Variants in IL20RA observed in about 807,000 individuals in gnomAD.
The protein encoded by IL20RA is interleukin 20 receptor subunit alpha.
In IL20RA, 29 loss-of-function variants were observed where a neutral mutation model predicts 36.5. The observed-to-expected ratio is 0.79, with a 90% CI of 0.59 to 1.08. The LOEUF (loss-of-function observed/expected upper bound fraction) is 1.08. Ranked by LOEUF, IL20RA falls within the 50% of genes least tolerant of loss-of-function variation. IL20RA has a pLI of 0.00. For synonymous variants in IL20RA, 279 were observed against 267.1 expected (o/e 1.04, Z -0.43); for missense variants, 652 against 668.4 (o/e 0.98, Z 0.27).
intron 2 of IL20RA, among the ~76,000 whole-genome samples, chr6:137,015,254 C>A (rs1180635691): frequency 6.6e-6 from 1 of 152,162 alleles, no homozygotes; most frequent in Non-Finnish European, 1.5e-5. Context: ...TCACTTAGCT[C>A]TAACAGGTTT....
At chr6:137,043,060 C>A (rs1776760599) in intron 1 of IL20RA, 1 of 152,132 alleles carries the variant, frequency 6.6e-6, no homozygotes, top group Non-Finnish European at 1.5e-5. Context: ...AACATTACTA[C>A]CTGGTAATGT....
At chr6:137,040,886 T>G (rs992372316) in intron 1 of IL20RA, among the ~76,000 whole-genome samples, 2 of 152,134 alleles carry the variant, frequency 1.3e-5, no homozygotes, top group African/African-American at 4.8e-5. Context: ...TAAGCAGGAT[T>G]TTTGCATAAT....
chr6:137,044,221 A>G (rs1776814285), intron 1 of IL20RA: 1 of 988,258 alleles, frequency 1.0e-6, no homozygotes, highest in Non-Finnish European at 1.2e-6. Flanking sequence ...GAGACGCGGC[A>G]TCCACAGGGG....
At position 137,044,896 on chromosome 6, in the gene IL20RA, C is replaced by T. The variant is rs1776849907; in HGVS notation, c.-168G>A. On this transcript the variant is annotated 5_prime_UTR_variant, in exon 1 of 7. Coordinates refer to ENST00000316649, the MANE Select transcript of IL20RA (RefSeq NM_014432.4). Reference sequence around the variant, plus strand: ...CTCCGCCACAGCCGCGTCCCCCAGGCTTCCCCAGAAACCAAGGGCGAGCGA... The same window carrying T: ...CTCCGCCACAGCCGCGTCCCCCAGGTTTCCCCAGAAACCAAGGGCGAGCGA... The T allele has an allele frequency of 7.1e-6, 4 of 559,840 alleles. No individual in the cohort carries two copies. Among genetic ancestry groups the T allele is most frequent in the South Asian group, 9.2e-5 (1 of 10,870 alleles). 34.7% of individuals were successfully genotyped at this position (559,840 alleles called of 1,614,324 possible).
intron 1 of IL20RA, among the ~76,000 whole-genome samples, chr6:137,024,543 T>A (rs1188711176): frequency 6.6e-6 from 1 of 152,260 alleles, no homozygotes; most frequent in Admixed American, 6.5e-5. Context: ...CAGACCATCA[T>A]GACTTTGGTT....
At chr6:137,022,165 G>A (rs1173005324) in intron 1 of IL20RA, among the ~76,000 whole-genome samples, 2 of 152,186 alleles carry the variant, frequency 1.3e-5, no homozygotes, top group Non-Finnish European at 1.5e-5. Context: ...ATTTAAAAAT[G>A]TTAGATACTA....
intron 6 of IL20RA, among the ~76,000 whole-genome samples, chr6:137,003,741 C>T (rs1313929346): frequency 2.0e-5 from 3 of 152,190 alleles, no homozygotes; most frequent in African/African-American, 7.2e-5. Context: ...CAGCTCTCCC[C>T]TTACTTGGAC....
In IL20RA at chr6:137,011,410, A is replaced by T; in HGVS notation, c.267T>A (p.Asn89Lys). 6.2e-7 allele frequency: 1 copy of T among 1,613,524 alleles called. No homozygotes were observed. The highest frequency in any genetic ancestry group is 1.1e-5 in the South Asian group (1 of 90,990). Reference sequence around the variant, plus strand: ...AAAGATCACAGTAGGTTCTATTGATATTTCTGCATTCTGATTTATTCAGCC... The same window carrying T: ...AAAGATCACAGTAGGTTCTATTGATTTTTCTGCATTCTGATTTATTCAGCC... ...KKWLNKSECR[N>K]INRTYCDLSA... The change falls in exon 3 of 7, where the codon AAT becomes AAA. Residue 89 changes from asparagine (N) to lysine (K), a missense_variant. Asn to Lys is a moderately conservative substitution (Grantham distance 94). Transcript: ENST00000316649.
At chr6:137,008,865 CTTTTTTTT>C in intron 4 of IL20RA, 122 bp from the exon 5 acceptor site, 2 of 141,050 alleles carry the variant, frequency 1.4e-5, no homozygotes, top group Non-Finnish European at 2.5e-5. Context: ...TCAGTATAAG[CTTTTTTTT>C]TTTTTTTTTT....
chr6:137,044,858 A>G lies in IL20RA; in HGVS notation c.-130T>C. 2.3e-6 allele frequency: 2 copies of G among 872,032 alleles called. No homozygotes were observed. Among genetic ancestry groups the G allele is most frequent in the Non-Finnish European group, 3.0e-6 (2 of 671,764 alleles). 54.0% of individuals were successfully genotyped at this position (872,032 alleles called of 1,614,324 possible). A position where few individuals can be genotyped will look rare whatever the true frequency, so the allele number is the denominator to read the frequency against. The stretch of plus-strand genomic sequence containing the variant: ...TGCGTGCCACGCTCCAGGCGACCTG[A>G]GTCCCAGGGCGCCTCCGCCACAGCC... On this transcript the variant is annotated 5_prime_UTR_variant, in exon 1 of 7. Transcript: ENST00000316649.
chr6:137,032,312 T>A (rs1776324823), intron 1 of IL20RA, among the ~76,000 whole-genome samples: 1 of 152,126 alleles, frequency 6.6e-6, no homozygotes, highest in Non-Finnish European at 1.5e-5. Context: ...GCAGGTTCCC[T>A]CAGGCGGGTG....
chr6:137,044,635 AC>A lies in IL20RA; in HGVS notation c.88+5del. 1 of 1,217,494 alleles carries A rather than the reference AC, an allele frequency of 8.2e-7. No homozygotes were observed. 75.4% of individuals were successfully genotyped at this position (1,217,494 alleles called of 1,614,324 possible). On this transcript the variant is annotated splice_donor_5th_base_variant and intron_variant, in intron 1 of 6. Transcript: ENST00000316649. ...CGACCCGCACCTGGCGGCGCGACCC[AC>A]CTACCTGCCCGTCCCCAAGGCGCCG...
chr6:137,014,442 A>C (rs756639433), intron 2 of IL20RA, among the ~76,000 whole-genome samples: 2 of 152,186 alleles, frequency 1.3e-5, no homozygotes, highest in African/African-American at 2.4e-5. Context: ...AGATTATACC[A>C]TACATATGGT....
chr6:137,025,474 T>C (rs1776053734), intron 1 of IL20RA, among the ~76,000 whole-genome samples: 1 of 152,250 alleles, frequency 6.6e-6, no homozygotes, highest in Non-Finnish European at 1.5e-5. Flanking sequence ...ACTCAATCTA[T>C]CACATTCTGT....
intron 1 of IL20RA, among the ~76,000 whole-genome samples, chr6:137,039,530 G>T (rs561117437): frequency 4.6e-4 from 70 of 152,146 alleles, no homozygotes; most frequent in Non-Finnish European, 8.1e-4. Context: ...TTTAGACCTG[G>T]ATCTTAAAAC....
intron 1 of IL20RA, among the ~76,000 whole-genome samples, chr6:137,031,457 A>G (rs1020527865): frequency 2.0e-5 from 3 of 152,216 alleles, no homozygotes; most frequent in African/African-American, 7.2e-5. Context: ...ATGTGTATCT[A>G]TTTTTAGATA....
At chr6:137,042,339 A>C (rs1207912595) in intron 1 of IL20RA, among the ~76,000 whole-genome samples, 1 of 152,208 alleles carries the variant, frequency 6.6e-6, no homozygotes, top group Non-Finnish European at 1.5e-5. Flanking sequence ...GAACAGTAGA[A>C]GCCTCTGAAG....
At chr6:137,020,724 G>A (rs1276842989) in intron 1 of IL20RA, among the ~76,000 whole-genome samples, 5 of 151,972 alleles carry the variant, frequency 3.3e-5, no homozygotes, top group African/African-American at 7.3e-5. Context: ...TTGCAAATAC[G>A]CTGACAAGAT....
At chr6:137,040,932 C>T (rs1582844488) in intron 1 of IL20RA, among the ~76,000 whole-genome samples, 3 of 152,316 alleles carry the variant, frequency 2.0e-5, no homozygotes, top group East Asian at 3.9e-4. Context: ...TTATTAGTCA[C>T]ACAGTGAAAA....
Sources: allele counts gnomAD v4.1 joint callset (sites outside exome capture counted in the v4.1 genomes callset), GRCh38; gene constraint gnomAD v4.1.1; transcripts MANE v1.5; gene names NCBI Gene and HGNC (gene_info 2026-07-23, HGNC 2026-07-21).